The following RBBP8NL variants were observed in gnomAD, a reference collection of about 807,000 sequenced individuals.
The protein encoded by RBBP8NL is RBBP8 N-terminal-like protein.
A neutral mutation model predicts 62.2 loss-of-function variants in RBBP8NL; 59 were observed. That is an observed-to-expected ratio of 0.95 (90% CI 0.77 to 1.18). RBBP8NL has a LOEUF of 1.18. RBBP8NL is among the 50% of genes most tolerant of loss of function. The pLI is 0.00. For missense variants in RBBP8NL, 896 were observed against 899.5 expected (o/e 1.00, Z 0.05); for synonymous variants, 412 against 394.1 (o/e 1.05, Z -0.54).
chr20:62,413,179 C>T (rs1251998385), intron 11 of RBBP8NL, among the ~76,000 whole-genome samples: 3 of 152,266 alleles, frequency 2.0e-5, no homozygotes, highest in African/African-American at 7.2e-5. Flanking sequence ...GTGCTTTTCC[C>T]CCTCACTGAG....
chr20:62,413,479 C>T lies in RBBP8NL; in HGVS notation c.1597G>A (p.Asp533Asn), dbSNP rs1209849210. Residue 533 changes from aspartate to asparagine, a missense_variant, in exon 11 of 14, where the codon GAC becomes AAC. Coordinates refer to ENST00000252998, the MANE Select transcript of RBBP8NL (RefSeq NM_080833.3). Reference protein sequence around the residue: ...LSSPGSTEDEDTGRPLPPPHP... With the variant: ...LSSPGSTEDENTGRPLPPPHP... The stretch of plus-strand genomic sequence containing the variant: ...GGAGGTGGCAGAGGCCTCCCTGTGT[C>T]TTCATCTTCTGTACTGCCTGGAGAG... 2.0e-6 allele frequency: 3 copies of T among 1,490,658 alleles called. No homozygotes were observed. Among genetic ancestry groups the T allele is most frequent in the Non-Finnish European group, 1.8e-6 (2 of 1,125,474 alleles). The allele number at this position is 1,490,658 out of a possible 1,614,324, so 92.3% of individuals were successfully genotyped here. A position where few individuals can be genotyped will look rare whatever the true frequency, so the allele number is the denominator to read the frequency against.
chr20:62,410,635 C>A lies in RBBP8NL; in HGVS notation c.*243G>T. The A allele has an allele frequency of 1.9e-6, 1 of 539,790 alleles. No homozygotes were observed. The highest frequency in any genetic ancestry group is 3.3e-6 in the Non-Finnish European group (1 of 307,162). 33.4% of individuals were successfully genotyped at this position (539,790 alleles called of 1,614,324 possible). On this transcript the variant is annotated 3_prime_UTR_variant, in exon 14 of 14. Coordinates refer to ENST00000252998, the MANE Select transcript of RBBP8NL (RefSeq NM_080833.3). The stretch of plus-strand genomic sequence containing the variant: ...TCCTCCAGCCCCTCTTGAAGTGGGC[C>A]AGGATGTGCCCGTCACCGGCTCTTC...
Position 62,414,085 on chromosome 20 carries a change from CG to C in RBBP8NL, c.1265del (p.Pro422ArgfsTer17), listed in dbSNP as rs1211783151. 6.3e-7 allele frequency: 1 copy of C among 1,592,300 alleles called. No individual in the cohort carries two copies. The highest frequency in any genetic ancestry group is 8.5e-7 in the Non-Finnish European group (1 of 1,171,628). ...SGGRHTQPAG[P>X]GRAQRTEAAA... ...CAGCCTCTGTCCTCTGGGCGCGGCC[CG>C]GGCCTGCAGGCTGTGTGTGCCGCCC... is the stretch of plus-strand genomic sequence containing the variant. On this transcript the variant is annotated frameshift_variant, in exon 10 of 14. Transcript: ENST00000252998. LOFTEE classifies it high-confidence loss of function.
rs1988467592 is a variant in RBBP8NL at position 62,412,883 on chromosome 20, C to T, written c.1693G>A (p.Val565Met). 2 of 1,613,402 alleles carry T rather than the reference C, an allele frequency of 1.2e-6. No homozygotes were observed. The highest frequency in any genetic ancestry group is 2.2e-5 in the South Asian group (2 of 91,088). ...DGHPEPSKAEVLRPESDELDE... is the reference protein window; with the variant it reads ...DGHPEPSKAEMLRPESDELDE... Reference sequence around the variant, plus strand: ...AGTTCGTCGGACTCTGGTCTCAGCACTTCAGCCTTGCTGGGCTCTGAAGGA... The same window carrying T: ...AGTTCGTCGGACTCTGGTCTCAGCATTTCAGCCTTGCTGGGCTCTGAAGGA... The change falls in exon 12 of 14, where the codon GTG becomes ATG. Residue 565 changes from valine (V) to methionine (M), a missense_variant. Transcript: ENST00000252998.
chr20:62,418,191 G>A (rs527347102), intron 3 of RBBP8NL, among the ~76,000 whole-genome samples: 87 of 152,300 alleles, frequency 5.7e-4, no homozygotes, highest in African/African-American at 1.6e-3. Flanking sequence ...GAGAAGCCCC[G>A]AGTAGGGGGC....
chr20:62,422,046 T>G (rs1988712916), intron 1 of RBBP8NL, among the ~76,000 whole-genome samples: 1 of 152,174 alleles, frequency 6.6e-6, no homozygotes, highest in South Asian at 2.1e-4. Flanking sequence ...CCCCCATCTC[T>G]TCCAGGACCA....
In RBBP8NL at chr20:62,423,211, A is replaced by G. The variant is rs878952513; in HGVS notation, c.-83-3481T>C. ...TGACAGCCCACGGAATCTTGACCAC[A>G]CCACGAAGACCTCGCTCCAGATGGG... On this transcript the variant is annotated intron_variant, in intron 1 of 13. Transcript: ENST00000252998. 2.6e-5 allele frequency among the ~76,000 whole-genome samples: 4 copies of G among 152,120 alleles called. No individual in the cohort carries two copies. In the East Asian group the frequency reaches 5.8e-4, roughly 22 times the overall value.
At chr20:62,418,139 C>T (rs1046086470) in intron 3 of RBBP8NL, among the ~76,000 whole-genome samples, 4 of 152,228 alleles carry the variant, frequency 2.6e-5, no homozygotes, top group African/African-American at 7.2e-5. Context: ...CCCAGCTCAC[C>T]GTGAACGTAT....
chr20:62,413,277 G>A (rs1051910972), intron 11 of RBBP8NL, 124 bp downstream of exon 11: 12 of 1,234,812 alleles, frequency 9.7e-6, no homozygotes, highest in East Asian at 2.8e-5. Context: ...GGGTTGCCCC[G>A]TCAGATCGGC....
intron 1 of RBBP8NL, among the ~76,000 whole-genome samples, chr20:62,421,619 G>A (rs181276833): frequency 0.017 from 2,454 of 143,780 alleles, 34 homozygotes; most frequent in Non-Finnish European, 0.021. Flanking sequence ...TGCATGATAG[G>A]CAGTGTGCAT....
Position 62,413,912 on chromosome 20 carries a change from TGGGTGG to T in RBBP8NL, c.1433_1438del (p.Pro478_Thr479del). 1 of 1,593,282 alleles carries T rather than the reference TGGGTGG, an allele frequency of 6.3e-7. No individual in the cohort carries two copies. Among genetic ancestry groups the T allele is most frequent in the South Asian group, 1.1e-5 (1 of 88,070 alleles). ...GGGACTGCGAGTCAGGGGTCCGGAC[TGGGTGG>T]GTGGCTCGGGGCTGGCAGTGTGGGC... On this transcript the variant is annotated inframe_deletion, in exon 10 of 14. Transcript: ENST00000252998.
rs1164413910 is a variant in RBBP8NL, at chr20:62,416,809, C to T, written c.264G>A (p.Gln88=). 2 of 1,589,016 alleles carry T rather than the reference C, an allele frequency of 1.3e-6. No homozygotes were observed. The highest frequency in any genetic ancestry group is 3.5e-5 in the Admixed American group (2 of 57,100). ...TCTGCAGGTGGGAGCTCTCGAACTC[C>T]TGCTGCCGCTTCCTGGCCAGCTCCT... The part of the protein sequence containing the change: ...VTQELARKRQ[Q]EFESSHLQNL... The change falls in exon 5 of 14, where the codon CAG becomes CAA. Residue 88 remains glutamine, a synonymous_variant. Coordinates refer to ENST00000252998, the MANE Select transcript of RBBP8NL (RefSeq NM_080833.3).
At chr20:62,420,209 C>T (rs1988668170) in intron 1 of RBBP8NL, among the ~76,000 whole-genome samples, 1 of 152,080 alleles carries the variant, frequency 6.6e-6, no homozygotes, top group Admixed American at 6.5e-5. Flanking sequence ...CCCACAGACC[C>T]TACCATGCCA....
At chr20:62,422,546 C>T (rs1380098463) in intron 1 of RBBP8NL, among the ~76,000 whole-genome samples, 1 of 133,744 alleles carries the variant, frequency 7.5e-6, no homozygotes, top group Non-Finnish European at 1.6e-5. Flanking sequence ...GGCCATGGGG[C>T]CTGGGGTGGG....
At chr20:62,421,207 AGTGT>A (rs371795324) in intron 1 of RBBP8NL, among the ~76,000 whole-genome samples, 1 of 151,566 alleles carries the variant, frequency 6.6e-6, no homozygotes, top group Non-Finnish European at 1.5e-5. Flanking sequence ...CGGGTGGGGG[AGTGT>A]GTGTGTTTGC....
Position 62,418,783 on chromosome 20 carries a change from T to TTG in RBBP8NL, c.62-320_62-319dup, listed in dbSNP as rs150755276. ...AAGGTAGAGGGACCGAGGGGCCATT[T>TTG]TGTGTGTGTGTGTGTGTCATAGCTA... On this transcript the variant is annotated intron_variant, in intron 2 of 13. Coordinates refer to ENST00000252998, the MANE Select transcript of RBBP8NL (RefSeq NM_080833.3). Among the ~76,000 whole-genome samples the TTG allele has an allele frequency of 6.0e-3, 915 of 151,764 alleles. 2 individuals are homozygous for TTG. Among genetic ancestry groups the TTG allele is most frequent in the African/African-American group, 9.4e-3 (391 of 41,442 alleles).
At chr20:62,416,711 G>A (rs755360759) in intron 5 of RBBP8NL, 49 bp downstream of exon 5, 58 of 1,347,262 alleles carry the variant, frequency 4.3e-5, no homozygotes, top group South Asian at 3.9e-4. Context: ...GCCTGGGGTC[G>A]CCTGGCCCCG....
chr20:62,410,821 C>T lies in RBBP8NL; in HGVS notation c.*57G>A, dbSNP rs118073985. ...GTTGGATGGTGTGCCCTCTCCAGGCCCTGGTGGGCAGGTGGAGGGCTGCCC... is the reference window on the plus strand; with the variant it reads ...GTTGGATGGTGTGCCCTCTCCAGGCTCTGGTGGGCAGGTGGAGGGCTGCCC... On this transcript the variant is annotated 3_prime_UTR_variant, in exon 14 of 14. Coordinates refer to ENST00000252998, the MANE Select transcript of RBBP8NL (RefSeq NM_080833.3). The T allele has an allele frequency of 2.5e-6, 3 of 1,214,412 alleles. No homozygotes were observed. Among genetic ancestry groups the T allele is most frequent in the East Asian group, 4.6e-5 (2 of 43,072 alleles). The allele number at this position is 1,214,412 out of a possible 1,614,324, so 75.2% of individuals were successfully genotyped here.
At chr20:62,415,446 G>A in intron 8 of RBBP8NL, 132 bp downstream of exon 8, 2 of 1,373,202 alleles carry the variant, frequency 1.5e-6, no homozygotes, top group Non-Finnish European at 2.0e-6. Flanking sequence ...AGTGGCTCCT[G>A]CCCGGGACAA....
Sources: gnomAD v4.1 joint callset for allele counts (sites outside exome capture counted in the v4.1 genomes callset) on GRCh38, gnomAD v4.1.1 for gene constraint, MANE v1.5 for transcripts, NCBI Gene and HGNC (gene_info 2026-07-23, HGNC 2026-07-21) for gene names.